CDC42BPA: variants seen among roughly 807,000 people sequenced by gnomAD.
The protein encoded by CDC42BPA is serine/threonine-protein kinase MRCK alpha.
Under a neutral mutation model 223.5 loss-of-function variants are expected in CDC42BPA, and 80 were observed. The ratio of observed to expected loss-of-function variants is 0.36; its 90% CI spans 0.30 to 0.43. The LOEUF is 0.43. Ranked by LOEUF, CDC42BPA falls within the 20% of genes least tolerant of loss-of-function variation. The pLI is 1.00. For missense variants in CDC42BPA, 1,743 were observed against 2,099.9 expected, an observed-to-expected ratio of 0.83 and a Z score of 3.32; for synonymous variants, 694 against 718.6, an observed-to-expected ratio of 0.97 and a Z score of 0.55.
intron 34 of CDC42BPA, among the ~76,000 whole-genome samples, chr1:227,014,300 C>A (rs1298259076): frequency 1.3e-5 from 2 of 152,016 alleles, no homozygotes; most frequent in African/African-American, 4.8e-5. Flanking sequence ...CTAGTTTTTG[C>A]ACTTTTTAAA....
intron 6 of CDC42BPA, among the ~76,000 whole-genome samples, chr1:227,152,843 C>T (rs867912802): frequency 1.6e-4 from 24 of 151,658 alleles, no homozygotes; most frequent in African/African-American, 5.6e-4. Context: ...AACATAAGGA[C>T]GCAGGAAAGT....
chr1:227,311,671 G>C (rs1208426314), intron 1 of CDC42BPA, among the ~76,000 whole-genome samples: 1 of 151,680 alleles, frequency 6.6e-6, no homozygotes, highest in Non-Finnish European at 1.5e-5. Flanking sequence ...AAATACAAGA[G>C]TGAAATTAAC....
intron 2 of CDC42BPA, chr1:227,235,352 A>C (rs1358314801): frequency 2.0e-5 from 3 of 152,148 alleles, no homozygotes; most frequent in Non-Finnish European, 4.4e-5. Context: ...GTACTAGAAA[A>C]AGTTTTAGTA....
At chr1:227,127,996 T>C (rs1656196650) in intron 11 of CDC42BPA, among the ~76,000 whole-genome samples, 1 of 152,186 alleles carries the variant, frequency 6.6e-6, no homozygotes, top group Non-Finnish European at 1.5e-5. Flanking sequence ...GTAATGCCTC[T>C]AAACCCTGCG....
chr1:227,079,152 A>T (rs986564287), intron 17 of CDC42BPA, among the ~76,000 whole-genome samples: 1 of 152,120 alleles, frequency 6.6e-6, no homozygotes, highest in East Asian at 1.9e-4. Flanking sequence ...CCCTTTGGGT[A>T]TTTGCCAATC....
rs369403944 is a variant in CDC42BPA, at chr1:227,297,967, T to TATATATATATACACACACAC, written c.178+19037_178+19038insGTGTGTGTGTATATATATAT. ...GTGTGTGTGTGTGTATATATACATA[T>TATATATATATACACACACAC]ACACACACACACACATATATACATA... On this transcript the variant is annotated intron_variant, in intron 1 of 36. Transcript: ENST00000366766. Among the ~76,000 whole-genome samples the TATATATATATACACACACAC allele has an allele frequency of 3.5e-4, 46 of 132,076 alleles. 1 individual carries two copies. The highest frequency in any genetic ancestry group is 1.3e-3 in the African/African-American group (44 of 34,164). 86.6% of individuals were successfully genotyped at this position (132,076 alleles called of 152,430 possible). A position where few individuals can be genotyped will look rare whatever the true frequency, so the allele number is the denominator to read the frequency against.
Position 227,081,708 on chromosome 1 carries a change from C to T in CDC42BPA, c.2356-691G>A, listed in dbSNP as rs1163010748. Among the ~76,000 whole-genome samples, 4 of 152,052 alleles carry T rather than the reference C, an allele frequency of 2.6e-5. No homozygotes were observed. The East Asian group carries it at 7.7e-4, about 29-fold the overall frequency. On this transcript the variant is annotated intron_variant, in intron 16 of 36. Coordinates refer to ENST00000366766, the MANE Select transcript of CDC42BPA (RefSeq NM_001394014.1). ...ACCTCAGATGATAAGCCCACCTCGGCCTCCCAAAGTGCTAGGATTACAGGT... is the reference window on the plus strand; with the variant it reads ...ACCTCAGATGATAAGCCCACCTCGGTCTCCCAAAGTGCTAGGATTACAGGT...
chr1:227,134,087 G>C (rs1219988210), intron 10 of CDC42BPA, among the ~76,000 whole-genome samples: 9 of 151,970 alleles, frequency 5.9e-5, no homozygotes. Flanking sequence ...TACTACTCTA[G>C]GGACCACTTC....
At chr1:227,138,024 G>A (rs1658944999) in intron 10 of CDC42BPA, among the ~76,000 whole-genome samples, 2 of 144,132 alleles carry the variant, frequency 1.4e-5, no homozygotes, top group Admixed American at 1.4e-4. Flanking sequence ...TATCACCACA[G>A]GAAAAAAAAG....
rs576116755 is a variant in CDC42BPA at position 227,241,000 on chromosome 1, T to C, written c.270+13064A>G. On this transcript the variant is annotated intron_variant, in intron 2 of 36. Transcript: ENST00000366766. ...ACATCTGACAAAGAACTCCTACAGCTCAACAATAAAAATACAAACATTTCA... is the reference window on the plus strand; with the variant it reads ...ACATCTGACAAAGAACTCCTACAGCCCAACAATAAAAATACAAACATTTCA... 5.3e-5 allele frequency among the ~76,000 whole-genome samples: 8 copies of C among 151,994 alleles called. No individual in the cohort carries two copies. The South Asian group carries it at 1.0e-3, about 20-fold the overall frequency.
chr1:227,057,696 G>A (rs539325678), intron 21 of CDC42BPA, among the ~76,000 whole-genome samples: 89 of 152,190 alleles, frequency 5.8e-4, no homozygotes, highest in Middle Eastern at 3.4e-3. Flanking sequence ...TTATATCTAC[G>A]TTTAAAATAA....
intron 1 of CDC42BPA, among the ~76,000 whole-genome samples, chr1:227,265,675 A>C (rs1409676392): frequency 6.6e-6 from 1 of 152,036 alleles, no homozygotes; most frequent in African/African-American, 2.4e-5. Context: ...TGATATTACA[A>C]TTAGAACCTC....
chr1:227,058,999 A>G (rs566691569), intron 21 of CDC42BPA, among the ~76,000 whole-genome samples: 93 of 144,584 alleles, frequency 6.4e-4, no homozygotes, highest in African/African-American at 2.3e-3. Context: ...TTCTTTCTAC[A>G]TAATTAAAAT....
chr1:227,316,301 T>C (rs1317360369), intron 1 of CDC42BPA, among the ~76,000 whole-genome samples: 5 of 152,166 alleles, frequency 3.3e-5, no homozygotes, highest in African/African-American at 1.2e-4. Flanking sequence ...TCCACTACAG[T>C]AGGTCTTCTA....
At chr1:227,057,619 CTT>C (rs759230616) in intron 21 of CDC42BPA, among the ~76,000 whole-genome samples, 4 of 152,024 alleles carry the variant, frequency 2.6e-5, no homozygotes, top group Non-Finnish European at 5.9e-5. Context: ...CAGTGGCTGA[CTT>C]TTTTTGTGAG....
At chr1:227,086,775 C>T (rs1682006615) in intron 16 of CDC42BPA, among the ~76,000 whole-genome samples, 1 of 151,652 alleles carries the variant, frequency 6.6e-6, no homozygotes, top group Non-Finnish European at 1.5e-5. Flanking sequence ...CACATAAATC[C>T]TCCCGTTTTA....
intron 23 of CDC42BPA, among the ~76,000 whole-genome samples, chr1:227,046,883 G>A (rs1363147983): frequency 6.8e-6 from 1 of 146,076 alleles, no homozygotes; most frequent in African/African-American, 2.5e-5. Context: ...TATCTTAAAT[G>A]TGTTATTTCA....
intron 2 of CDC42BPA, among the ~76,000 whole-genome samples, chr1:227,246,971 T>C (rs1237450641): frequency 6.6e-6 from 1 of 150,804 alleles, no homozygotes; most frequent in Non-Finnish European, 1.5e-5. Flanking sequence ...GAGGCCGAGG[T>C]GGGTGGATTA....
chr1:227,159,364 G>C (rs1003379001), intron 6 of CDC42BPA, among the ~76,000 whole-genome samples: 1 of 152,054 alleles, frequency 6.6e-6, no homozygotes, highest in Non-Finnish European at 1.5e-5. Context: ...GTGCTTGCCT[G>C]TATCCCAACT....
Sources: allele counts gnomAD v4.1 joint callset (sites outside exome capture counted in the v4.1 genomes callset), GRCh38; gene constraint gnomAD v4.1.1; transcripts MANE v1.5; gene names NCBI Gene and HGNC (gene_info 2026-07-23, HGNC 2026-07-21).